MAK: variants seen among roughly 807,000 people sequenced by gnomAD.
MAK encodes the protein male germ cell associated kinase, also known as serine/threonine-protein kinase MAK.
A neutral mutation model predicts 82.6 loss-of-function variants in MAK; 65 were observed. That is an observed-to-expected ratio of 0.79 (90% CI 0.64 to 0.97). The LOEUF (loss-of-function observed/expected upper bound fraction) is 0.97, where lower values mean the gene tolerates loss of function less well. Among genes scored for constraint, MAK ranks in the 50% least tolerant of loss-of-function variants. MAK has a pLI of 0.00. For missense variants in MAK, 703 were observed against 780.2 expected (o/e 0.90, Z 1.18); for synonymous variants, 250 against 274.2 (o/e 0.91, Z 0.87).
intron 1 of MAK, among the ~76,000 whole-genome samples, chr6:10,832,648 G>A (rs916291992): frequency 6.6e-6 from 1 of 151,956 alleles, no homozygotes; most frequent in Non-Finnish European, 1.5e-5. Flanking sequence ...ATAGGCGCAA[G>A]CTACTACACC....
rs763102132 is a variant in MAK at position 10,813,739 on chromosome 6, C to G, written c.279-16G>C. ...CAACTTGTTTCTGTAAAGAAATGAA[C>G]AGTCACATAATTCTGTTAAGCAACC... On this transcript the variant is annotated splice_polypyrimidine_tract_variant and intron_variant, in intron 4 of 14. Transcript: ENST00000354489. 8 of 1,434,206 alleles carry G rather than the reference C, an allele frequency of 5.6e-6. No individual in the cohort carries two copies. The highest frequency in any genetic ancestry group is 7.9e-6 in the Non-Finnish European group (8 of 1,016,604). The allele number at this position is 1,434,206 out of a possible 1,614,324, so 88.8% of individuals were successfully genotyped here.
Position 10,796,133 on chromosome 6 carries a change from CTGGGGT to C in MAK, c.1002_1007del (p.Gln336_Pro337del), listed in dbSNP as rs758224960. 6.2e-7 allele frequency: 1 copy of C among 1,614,116 alleles called. No individual in the cohort carries two copies. The highest frequency in any genetic ancestry group is 8.5e-7 in the Non-Finnish European group (1 of 1,180,032). ...GCAGTGGCTGCTGGCTAGTTTTTGG[CTGGGGT>C]TGTCCAACAACCTGATCGATTATAT... On this transcript the variant is annotated inframe_deletion, in exon 9 of 15. Transcript: ENST00000354489.
chr6:10,767,397 G>T (rs1438737153), intron 14 of MAK, among the ~76,000 whole-genome samples: 1 of 152,180 alleles, frequency 6.6e-6, no homozygotes, highest in Non-Finnish European at 1.5e-5. Context: ...AGGGTGCTGT[G>T]TAGAACAGAA....
chr6:10,820,051 G>A (rs981934082), intron 2 of MAK, among the ~76,000 whole-genome samples: 4 of 151,888 alleles, frequency 2.6e-5, no homozygotes, highest in Non-Finnish European at 4.4e-5. Context: ...GGTGGAGCTT[G>A]CAGTGAGCCG....
At chr6:10,766,014 A>T (rs1391090235) in intron 14 of MAK, among the ~76,000 whole-genome samples, 1 of 152,212 alleles carries the variant, frequency 6.6e-6, no homozygotes, top group African/African-American at 2.4e-5. Context: ...ACAACTTTTG[A>T]TGCCTTCTTC....
intron 4 of MAK, among the ~76,000 whole-genome samples, chr6:10,816,555 A>G (rs945877505): frequency 9.2e-5 from 14 of 152,162 alleles, no homozygotes; most frequent in African/African-American, 3.4e-4. Flanking sequence ...CCACCTGATT[A>G]AGAAACTTTT....
chr6:10,832,001 C>A (rs1212664844), intron 1 of MAK, among the ~76,000 whole-genome samples: 1 of 152,202 alleles, frequency 6.6e-6, no homozygotes, highest in Non-Finnish European at 1.5e-5. Flanking sequence ...ACAATCTTGG[C>A]TCACTGTAAC....
intron 1 of MAK, among the ~76,000 whole-genome samples, chr6:10,833,769 C>A (rs1003085963): frequency 2.6e-5 from 4 of 152,058 alleles, no homozygotes; most frequent in African/African-American, 7.2e-5. Flanking sequence ...CAGCAGATTC[C>A]ATCTCTATTT....
intron 2 of MAK, among the ~76,000 whole-genome samples, chr6:10,823,259 TACTTGTTAAATTCCATATGGA>T (rs1180147720): frequency 4.6e-5 from 7 of 152,340 alleles, no homozygotes; most frequent in South Asian, 4.1e-4. Flanking sequence ...GTTTACTTCC[TACTTGTTAAATTCCATATGGA>T]ACTTGTTAAA....
rs1491192446 is a variant in MAK, at chr6:10,830,156, TGC to T, written c.101+390_101+391del. ...GTGTGTGTGTGTGTGTGTGTGTGTG[TGC>T]GTGTGCACGTATATATATATATTTT... On this transcript the variant is annotated intron_variant, in intron 2 of 14. Transcript: ENST00000354489. Among the ~76,000 whole-genome samples the T allele has an allele frequency of 6.7e-5, 9 of 134,142 alleles. 1 individual carries two copies. The South Asian group carries it at 7.1e-4, about 11-fold the overall frequency. 88.0% of individuals were successfully genotyped at this position (134,142 alleles called of 152,430 possible).
At chr6:10,801,315 A>T (rs1399203951) in intron 8 of MAK, among the ~76,000 whole-genome samples, 1 of 152,256 alleles carries the variant, frequency 6.6e-6, no homozygotes, top group Non-Finnish European at 1.5e-5. Context: ...CTTTTTATTG[A>T]AGCCTTGCAG....
chr6:10,801,363 A>G (rs114315636), intron 8 of MAK, among the ~76,000 whole-genome samples: 7,774 of 152,340 alleles, frequency 0.051, 330 homozygotes, highest in Admixed American at 0.12. Context: ...GACTTGGAAT[A>G]CATCTGTAGA....
intron 14 of MAK, among the ~76,000 whole-genome samples, chr6:10,764,993 G>A (rs1303732886): frequency 6.6e-6 from 1 of 151,856 alleles, no homozygotes; most frequent in Non-Finnish European, 1.5e-5. Flanking sequence ...CTACTCAGGA[G>A]GCTGAGGCAA....
At chr6:10,827,476 G>A (rs1345059552) in intron 2 of MAK, among the ~76,000 whole-genome samples, 1 of 152,172 alleles carries the variant, frequency 6.6e-6, no homozygotes, top group African/African-American at 2.4e-5. Context: ...TATAGCAGTA[G>A]TAAGTATCCC....
chr6:10,808,588 T>C (rs1776675185), intron 6 of MAK, among the ~76,000 whole-genome samples: 1 of 152,214 alleles, frequency 6.6e-6, no homozygotes, highest in South Asian at 2.1e-4. Flanking sequence ...CAATAAATAT[T>C]TGTTGAATGA....
chr6:10,794,414 C>G (rs941112934), intron 9 of MAK, among the ~76,000 whole-genome samples: 2 of 152,058 alleles, frequency 1.3e-5, no homozygotes, highest in African/African-American at 4.8e-5. Flanking sequence ...GAGGAAGAGA[C>G]AAATAAACAA....
chr6:10,784,886 T>C (rs1774388941), intron 10 of MAK: 4 of 521,276 alleles, frequency 7.7e-6, no homozygotes, highest in Non-Finnish European at 1.5e-5. Flanking sequence ...GGGAAACTGG[T>C]GTGCTGAGAG....
chr6:10,821,654 T>A (rs1409436660), intron 2 of MAK, among the ~76,000 whole-genome samples: 2 of 152,200 alleles, frequency 1.3e-5, no homozygotes, highest in East Asian at 1.9e-4. Context: ...CAGTGATAAC[T>A]GAAACTTTCA....
At chr6:10,816,814 A>T (rs1460514264) in intron 4 of MAK, among the ~76,000 whole-genome samples, 1 of 152,164 alleles carries the variant, frequency 6.6e-6, no homozygotes, top group Non-Finnish European at 1.5e-5. Context: ...ATTTAACAGA[A>T]TATATTATTT....
Sources: gnomAD v4.1 joint callset for allele counts (sites outside exome capture counted in the v4.1 genomes callset) on GRCh38, gnomAD v4.1.1 for gene constraint, MANE v1.5 for transcripts, NCBI Gene and HGNC (gene_info 2026-07-23, HGNC 2026-07-21) for gene names.